The following MCC variants were observed in gnomAD, a reference collection of about 807,000 sequenced individuals.
MCC encodes MCC regulator of Wnt signaling pathway.
In MCC, 90 loss-of-function variants were observed where a neutral mutation model predicts 116.2. That is an observed-to-expected ratio of 0.77 (90% confidence interval 0.65 to 0.92). The LOEUF is 0.92. Among genes scored for constraint, MCC ranks in the 40% least tolerant of loss-of-function variants. MCC has a pLI of 0.00. For synonymous variants in MCC, 578 were observed against 510.5 expected, an observed-to-expected ratio of 1.13 and a Z score of -1.78; for missense variants, 1,516 against 1,312.2, an observed-to-expected ratio of 1.16 and a Z score of -2.40.
Position 113,418,689 on chromosome 5 carries a change from T to TATCATCATC in MCC, c.171-33486_171-33478dup, listed in dbSNP as rs58461374. ...CAAGTGGCAAAATCTTCATCATTAT[T>TATCATCATC]ATCATCATCATCATCATCATCATCA... On this transcript the variant is annotated intron_variant, in intron 1 of 18. Transcript: ENST00000408903. 3.3e-3 allele frequency among the ~76,000 whole-genome samples: 430 copies of TATCATCATC among 131,214 alleles called. 6 individuals are homozygous for TATCATCATC. Among genetic ancestry groups the TATCATCATC allele is most frequent in the Middle Eastern group, 0.011 (3 of 264 alleles). 86.1% of individuals were successfully genotyped at this position (131,214 alleles called of 152,430 possible).
chr5:113,092,001 T>C (rs955290817), intron 8 of MCC, among the ~76,000 whole-genome samples: 2 of 152,156 alleles, frequency 1.3e-5, no homozygotes, highest in Non-Finnish European at 2.9e-5. Flanking sequence ...CACTACTGCA[T>C]TGCCAACACC....
chr5:113,307,804 T>G (rs553427246), intron 3 of MCC, among the ~76,000 whole-genome samples: 1 of 152,150 alleles, frequency 6.6e-6, no homozygotes, highest in Non-Finnish European at 1.5e-5. Context: ...TTCCCCTTTT[T>G]CTTCAATAAA....
chr5:113,454,440 A>G (rs1771485644), intron 1 of MCC, among the ~76,000 whole-genome samples: 1 of 152,208 alleles, frequency 6.6e-6, no homozygotes, highest in South Asian at 2.1e-4. Flanking sequence ...GTAAGTTTGT[A>G]GCAGAATTGA....
intron 2 of MCC, among the ~76,000 whole-genome samples, chr5:113,372,005 A>G (rs758584963): frequency 2.0e-5 from 3 of 152,242 alleles, no homozygotes; most frequent in Non-Finnish European, 1.5e-5. Context: ...TGCCACAGAA[A>G]TTGGAATGGC....
chr5:113,469,272 G>A (rs1276894889), intron 1 of MCC, among the ~76,000 whole-genome samples: 6 of 152,124 alleles, frequency 3.9e-5, no homozygotes, highest in Middle Eastern at 3.2e-3. Context: ...TAATTGTGAT[G>A]TTAGGGTGTC....
rs573136970 is a variant in MCC, at chr5:113,133,739, G to T, written c.884+9479C>A. Among the ~76,000 whole-genome samples, 12 of 152,206 alleles carry T rather than the reference G, an allele frequency of 7.9e-5. No individual in the cohort carries two copies. In the South Asian group the frequency reaches 2.5e-3, roughly 32 times the overall value. On this transcript the variant is annotated intron_variant, in intron 5 of 18. Coordinates refer to ENST00000408903, the MANE Select transcript of MCC (RefSeq NM_001085377.2). ...AGCAGTTGTAGTAATTTACATTTCT[G>T]CCAAGAGTGTATGAGACTTCCTCTT... is the stretch of plus-strand genomic sequence containing the variant.
intron 16 of MCC, among the ~76,000 whole-genome samples, chr5:113,047,480 T>A (rs1561751156): frequency 6.6e-6 from 1 of 152,214 alleles, no homozygotes; most frequent in Non-Finnish European, 1.5e-5. Context: ...TGGCCATTTG[T>A]GAATCATGCT....
At chr5:113,431,963 AC>A (rs1770664957) in intron 1 of MCC, among the ~76,000 whole-genome samples, 1 of 151,998 alleles carries the variant, frequency 6.6e-6, no homozygotes, top group African/African-American at 2.4e-5. Context: ...TGGTGAAACA[AC>A]GTCTCTACTA....
chr5:113,468,898 G>T (rs941437685), intron 1 of MCC, among the ~76,000 whole-genome samples: 10 of 152,052 alleles, frequency 6.6e-5, no homozygotes, highest in Non-Finnish European at 1.3e-4. Context: ...ACTTCTTCCT[G>T]GTTTAGTCTT....
intron 8 of MCC, among the ~76,000 whole-genome samples, chr5:113,095,342 T>C (rs1392150831): frequency 6.6e-6 from 1 of 152,174 alleles, no homozygotes; most frequent in Non-Finnish European, 1.5e-5. Context: ...AACGTAGACT[T>C]GGGCAAGATT....
intron 1 of MCC, among the ~76,000 whole-genome samples, chr5:113,450,846 T>C (rs1052626585): frequency 2.0e-5 from 3 of 152,174 alleles, no homozygotes; most frequent in African/African-American, 7.2e-5. Flanking sequence ...TTACAAAGCA[T>C]TTTTACCTTT....
chr5:113,289,758 T>TTCC (rs1436145965), intron 3 of MCC, among the ~76,000 whole-genome samples: 1 of 152,206 alleles, frequency 6.6e-6, no homozygotes, highest in African/African-American at 2.4e-5. Context: ...GACACAAGTC[T>TTCC]TCCCCCTGAA....
rs763082506 is a variant in MCC at position 113,104,235 on chromosome 5, T to C, written c.1148A>G (p.Glu383Gly). The change falls in exon 7 of 19, where the codon GAG (glutamate) becomes GGG (glycine). Residue 383 changes from glutamate to glycine, a missense_variant. Coordinates refer to ENST00000408903, the MANE Select transcript of MCC (RefSeq NM_001085377.2). ...LSVAEVDKHIEQLTTASEHCD... is the reference protein window; with the variant it reads ...LSVAEVDKHIGQLTTASEHCD... Reference sequence around the variant, plus strand: ...GTGCTCGCTGGCTGTGGTGAGCTGCTCAATGTGCTTGTCCACCTCGGCCAC... The same window carrying C: ...GTGCTCGCTGGCTGTGGTGAGCTGCCCAATGTGCTTGTCCACCTCGGCCAC... 1 of 1,614,058 alleles carries C rather than the reference T, an allele frequency of 6.2e-7. No individual in the cohort carries two copies. The highest frequency in any genetic ancestry group is 1.1e-5 in the South Asian group (1 of 91,066).
intron 1 of MCC, among the ~76,000 whole-genome samples, chr5:113,452,520 A>C (rs182156632): frequency 1.3e-5 from 2 of 152,356 alleles, no homozygotes; most frequent in African/African-American, 4.8e-5. Flanking sequence ...GCCATCTATG[A>C]ACCAGGAAGC....
chr5:113,389,680 C>T (rs1769357165), intron 1 of MCC, among the ~76,000 whole-genome samples: 1 of 152,158 alleles, frequency 6.6e-6, no homozygotes, highest in Non-Finnish European at 1.5e-5. Flanking sequence ...CTCCTGGCAG[C>T]CAGTGTTGAT....
intron 2 of MCC, among the ~76,000 whole-genome samples, chr5:113,358,009 T>C (rs1768455040): frequency 6.6e-6 from 1 of 152,208 alleles, no homozygotes; most frequent in South Asian, 2.1e-4. Flanking sequence ...ATTCCTGCTC[T>C]AAAACTTGCC....
chr5:113,384,404 C>T (rs987160310), intron 2 of MCC, among the ~76,000 whole-genome samples: 3 of 152,034 alleles, frequency 2.0e-5, no homozygotes, highest in South Asian at 2.1e-4. Flanking sequence ...CTGGCTAATA[C>T]GGTGAAACCC....
chr5:113,340,098 A>G (rs1767973199), intron 3 of MCC, among the ~76,000 whole-genome samples: 1 of 152,274 alleles, frequency 6.6e-6, no homozygotes, highest in Non-Finnish European at 1.5e-5. Context: ...AAATACTCTT[A>G]AAGTATAACC....
chr5:113,314,047 A>C (rs979195323), intron 3 of MCC, among the ~76,000 whole-genome samples: 1 of 152,056 alleles, frequency 6.6e-6, no homozygotes, highest in Non-Finnish European at 1.5e-5. Flanking sequence ...TTAAACTCCT[A>C]GGCTTAAGCA....
Sources: allele counts gnomAD v4.1 joint callset (sites outside exome capture counted in the v4.1 genomes callset), GRCh38; gene constraint gnomAD v4.1.1; transcripts MANE v1.5; gene names NCBI Gene and HGNC (gene_info 2026-07-23, HGNC 2026-07-21).